WWC2: variants seen among roughly 807,000 people sequenced by gnomAD.
WWC2 encodes the protein WW and C2 domain containing 2.
Under a neutral mutation model 138.5 loss-of-function variants are expected in WWC2, and 101 were observed. That is an observed-to-expected ratio of 0.73 (90% CI 0.62 to 0.86). The LOEUF (loss-of-function observed/expected upper bound fraction) is 0.86. Among genes scored for constraint, WWC2 ranks in the 40% least tolerant of loss-of-function variants. WWC2 has a pLI of 0.00. For synonymous variants in WWC2, 558 were observed against 538.4 expected (o/e 1.04, Z -0.50); for missense variants, 1,420 against 1,419.4 (o/e 1.00, Z -0.01).
chr4:183,116,018 A>G (rs1469577092), intron 1 of WWC2, among the ~76,000 whole-genome samples: 1 of 152,162 alleles, frequency 6.6e-6, no homozygotes, highest in Non-Finnish European at 1.5e-5. Flanking sequence ...ACTTTTGTAT[A>G]TGGTGTAGGA....
At chr4:183,274,851 C>T (rs1330410194) in intron 16 of WWC2, among the ~76,000 whole-genome samples, 1 of 152,108 alleles carries the variant, frequency 6.6e-6, no homozygotes, top group African/African-American at 2.4e-5. Flanking sequence ...TACATGTATT[C>T]ATTATATAAT....
chr4:183,162,557 C>T (rs1295748924), intron 1 of WWC2, among the ~76,000 whole-genome samples: 1 of 152,124 alleles, frequency 6.6e-6, no homozygotes, highest in East Asian at 1.9e-4. Flanking sequence ...TAGTAGTATT[C>T]CCTTTACTCT....
chr4:183,119,576 G>A (rs928463526), intron 1 of WWC2, among the ~76,000 whole-genome samples: 1 of 152,106 alleles, frequency 6.6e-6, no homozygotes. Context: ...ACTTCTCTGT[G>A]TAACCATGCA....
At chr4:183,252,062 A>G (rs775118434) in intron 8 of WWC2, among the ~76,000 whole-genome samples, 10 of 152,230 alleles carry the variant, frequency 6.6e-5, no homozygotes, top group African/African-American at 9.6e-5. Context: ...AGTACACTGC[A>G]TACACCGTGC....
At chr4:183,196,021 G>A (rs1294495669) in intron 2 of WWC2, among the ~76,000 whole-genome samples, 4 of 152,020 alleles carry the variant, frequency 2.6e-5, no homozygotes, top group East Asian at 1.9e-4. Flanking sequence ...GAGTTCTCAC[G>A]AGATCTGTCT....
rs1738237392 is a variant in WWC2, at chr4:183,286,012, CTGTT to C, written c.3098_3101del (p.Phe1033Ter). 6.3e-7 allele frequency: 1 copy of C among 1,595,842 alleles called. No homozygotes were observed. Among genetic ancestry groups the C allele is most frequent in the Non-Finnish European group, 8.5e-7 (1 of 1,170,194 alleles). On this transcript the variant is annotated frameshift_variant, in exon 20 of 23. Transcript: ENST00000403733. LOFTEE classifies it high-confidence loss of function. Reference sequence around the variant, plus strand: ...CAGTTCAACCCTGGCTAAAAAATCACTGTTTGTGAGAAACTCCACCGAACGCCGC... The same window carrying C: ...CAGTTCAACCCTGGCTAAAAAATCACTGTGAGAAACTCCACCGAACGCCGC...
chr4:183,277,807 C>T (rs1328173471), intron 16 of WWC2, among the ~76,000 whole-genome samples: 29 of 148,748 alleles, frequency 1.9e-4, no homozygotes, highest in Admixed American at 4.0e-4. Context: ...TCATGTCCTT[C>T]GCCCACTTTT....
intron 1 of WWC2, among the ~76,000 whole-genome samples, chr4:183,173,964 G>T (rs1420097146): frequency 2.0e-5 from 3 of 152,164 alleles, no homozygotes; most frequent in African/African-American, 7.2e-5. Flanking sequence ...TAGCATTTCT[G>T]TTAAGGCACT....
intron 16 of WWC2, among the ~76,000 whole-genome samples, chr4:183,272,118 T>G (rs888332317): frequency 5.3e-5 from 8 of 152,218 alleles, no homozygotes; most frequent in Non-Finnish European, 1.5e-5. Context: ...CATTTGTGGT[T>G]ATTGTTATTG....
intron 17 of WWC2, 79 bp from the exon 18 acceptor site, chr4:183,282,629 A>G (rs1243841019): frequency 7.2e-7 from 1 of 1,383,566 alleles, no homozygotes; most frequent in African/African-American, 1.4e-5. Context: ...TTTCCCAGAT[A>G]ACAACTTAGC....
At chr4:183,251,308 C>G (rs1049577083) in intron 8 of WWC2, among the ~76,000 whole-genome samples, 2 of 152,152 alleles carry the variant, frequency 1.3e-5, no homozygotes, top group East Asian at 3.9e-4. Context: ...GTGTGTCCAC[C>G]TGGGCAGGGC....
Position 183,315,663 on chromosome 4 carries a change from GGA to G in WWC2, c.3516_3517del (p.Lys1173AspfsTer17). ...KVPRQVQSFR[E>X]KIAYFTRAKI... ...AATTTATTTCTCACCCCAACTCTAG[GGA>G]GAAGATTGCCTACTTCACCAGAGCA... On this transcript the variant is annotated frameshift_variant and splice_region_variant, in exon 23 of 23. Coordinates refer to ENST00000403733, the MANE Select transcript of WWC2 (RefSeq NM_024949.6). LOFTEE classifies it high-confidence loss of function. 2 of 1,612,466 alleles carry G rather than the reference GGA, an allele frequency of 1.2e-6. No individual in the cohort carries two copies. Among genetic ancestry groups the G allele is most frequent in the Non-Finnish European group, 1.7e-6 (2 of 1,178,988 alleles).
At chr4:183,247,570 TCTATATA>T (rs1042614438) in intron 6 of WWC2, among the ~76,000 whole-genome samples, 16 of 141,756 alleles carry the variant, frequency 1.1e-4, no homozygotes, top group Non-Finnish European at 1.8e-4. Flanking sequence ...CTATATATGC[TCTATATA>T]CTATATACTA....
At chr4:183,268,315 A>AG (rs1324562030) in intron 14 of WWC2, among the ~76,000 whole-genome samples, 3 of 152,190 alleles carry the variant, frequency 2.0e-5, no homozygotes, top group Non-Finnish European at 4.4e-5. Flanking sequence ...AGTCACTTTA[A>AG]GGTAGTATTA....
intron 1 of WWC2, among the ~76,000 whole-genome samples, chr4:183,147,878 A>G (rs1038528561): frequency 2.0e-5 from 3 of 152,384 alleles, no homozygotes; most frequent in African/African-American, 7.2e-5. Context: ...ATATTTGCAC[A>G]TGCTAACATA....
chr4:183,254,998 T>G (rs1444439836), intron 9 of WWC2, among the ~76,000 whole-genome samples: 1 of 152,214 alleles, frequency 6.6e-6, no homozygotes, highest in Non-Finnish European at 1.5e-5. Context: ...GTCTCTGACA[T>G]TCCCAGGTAG....
intron 9 of WWC2, among the ~76,000 whole-genome samples, chr4:183,255,888 T>C (rs2111346473): frequency 6.6e-6 from 1 of 151,984 alleles, no homozygotes; most frequent in Admixed American, 6.5e-5. Context: ...TTTTTTTTTT[T>C]TTTAACGAAC....
chr4:183,254,110 G>A (rs1737067122), intron 9 of WWC2, 111 bp downstream of exon 9: 3 of 1,440,596 alleles, frequency 2.1e-6, no homozygotes, highest in Admixed American at 2.7e-5. Flanking sequence ...TTAGTGGACT[G>A]AGAAACAGCA....
chr4:183,201,241 C>G (rs1218665522), intron 2 of WWC2, among the ~76,000 whole-genome samples: 1 of 149,162 alleles, frequency 6.7e-6, no homozygotes, highest in African/African-American at 2.5e-5. Context: ...TCCTGTACAT[C>G]TCTTGTTTAG....
Sources: gnomAD v4.1 joint callset for allele counts (sites outside exome capture counted in the v4.1 genomes callset) on GRCh38, gnomAD v4.1.1 for gene constraint, MANE v1.5 for transcripts, NCBI Gene and HGNC (gene_info 2026-07-23, HGNC 2026-07-21) for gene names.